DOCK8: variants seen among roughly 807,000 people sequenced by gnomAD.
DOCK8 encodes dedicator of cytokinesis 8, also known as dedicator of cytokinesis protein 8.
DOCK8 carries 141 observed loss-of-function variants against 245.6 expected under a neutral mutation model. The observed-to-expected ratio is 0.57, with a 90% confidence interval of 0.50 to 0.66. The LOEUF is 0.66. Ranked by LOEUF, DOCK8 falls within the 30% of genes least tolerant of loss-of-function variation. The probability of loss-of-function intolerance (pLI) is 0.00; values close to 1 mark genes in which losing one functional copy is unlikely to be tolerated. For missense variants in DOCK8, 2,965 were observed against 2,603.4 expected, an observed-to-expected ratio of 1.14 and a Z score of -3.02; for synonymous variants, 1,168 against 970.2, an observed-to-expected ratio of 1.20 and a Z score of -3.79.
In DOCK8 at chr9:225,877, A is replaced by C. The variant is rs571469438; in HGVS notation, c.53+10848A>C. On this transcript the variant is annotated intron_variant, in intron 1 of 47. Coordinates refer to ENST00000432829, the MANE Select transcript of DOCK8 (RefSeq NM_203447.4). The stretch of plus-strand genomic sequence containing the variant: ...AGGGGAATGACGAAGCACATGACTG[A>C]GGCAGGAGTAAATTTGATGTGTTGG... Among the ~76,000 whole-genome samples, 13 of 152,258 alleles carry C rather than the reference A, an allele frequency of 8.5e-5. No homozygotes were observed. In the East Asian group the frequency reaches 2.1e-3, roughly 25 times the overall value.
At position 396,698 on chromosome 9, in the gene DOCK8, C is replaced by G. The variant is rs1382793991; in HGVS notation, c.2971-87C>G. The G allele has an allele frequency of 1.9e-6, 3 of 1,552,140 alleles. No homozygotes were observed. The East Asian group carries it at 6.7e-5, about 35-fold the overall frequency. Reference sequence around the variant, plus strand: ...TGTCAGAAAATCCATTGTTAGAGAGCATTTCTGTGAGTCTTTCCCCCTTTT... The same window carrying G: ...TGTCAGAAAATCCATTGTTAGAGAGGATTTCTGTGAGTCTTTCCCCCTTTT... On this transcript the variant is annotated intron_variant, in intron 24 of 47. Transcript: ENST00000432829.
At chr9:397,795 T>C (rs1308194475) in intron 25 of DOCK8, among the ~76,000 whole-genome samples, 3 of 152,146 alleles carry the variant, frequency 2.0e-5, no homozygotes, top group African/African-American at 7.2e-5. Context: ...TCTCAAATGG[T>C]TCAGAAAAAA....
intron 29 of DOCK8, among the ~76,000 whole-genome samples, chr9:417,391 G>A (rs1222059455): frequency 6.6e-6 from 1 of 152,198 alleles, no homozygotes; most frequent in African/African-American, 2.4e-5. Context: ...GGCCCAGATG[G>A]CTGTAATGTC....
intron 3 of DOCK8, among the ~76,000 whole-genome samples, chr9:287,856 A>G (rs1053988160): frequency 2.6e-5 from 4 of 152,152 alleles, no homozygotes; most frequent in African/African-American, 7.2e-5. Context: ...AAATATGGTC[A>G]GAATCTTGGA....
At position 420,498 on chromosome 9, in the gene DOCK8, G is replaced by C; in HGVS notation, c.3938G>C (p.Arg1313Thr). ...IMKNADQSLI[R>T]KWIADLPSTQ... ...AAAAATGCTGATCAGAGCCTCATTAGGAAGTGGATTGCTGACCTGCCATCA... is the reference window on the plus strand; with the variant it reads ...AAAAATGCTGATCAGAGCCTCATTACGAAGTGGATTGCTGACCTGCCATCA... The change falls in exon 31 of 48, where the codon AGG becomes ACG. Residue 1313 changes from arginine (R) to threonine (T), a missense_variant. Physicochemically the swap from Arg to Thr is moderately conservative, Grantham distance 71 (BLOSUM62 -1). Coordinates refer to ENST00000432829, the MANE Select transcript of DOCK8 (RefSeq NM_203447.4). The C allele has an allele frequency of 6.2e-7, 1 of 1,614,186 alleles. No individual in the cohort carries two copies. The highest frequency in any genetic ancestry group is 1.3e-5 in the African/African-American group (1 of 75,050).
intron 11 of DOCK8, 43 bp downstream of exon 11, chr9:334,427 G>T: frequency 6.2e-7 from 1 of 1,602,992 alleles, no homozygotes; most frequent in Non-Finnish European, 8.5e-7. Context: ...GCTCCCCAGT[G>T]TGCGCTGCCC....
At chr9:283,138 T>C (rs10967888) in intron 2 of DOCK8, among the ~76,000 whole-genome samples, 6,103 of 152,304 alleles carry the variant, frequency 0.04, 269 homozygotes, top group African/African-American at 0.11. Context: ...CGGTTAAGAA[T>C]GTGAGTCTGC....
At chr9:374,618 C>T (rs868718290) in intron 18 of DOCK8, among the ~76,000 whole-genome samples, 2 of 121,632 alleles carry the variant, frequency 1.6e-5, no homozygotes, top group Admixed American at 9.5e-5. Flanking sequence ...TGCACCACCA[C>T]GCCCAGCTAA....
rs78477686 is a variant in DOCK8, at chr9:364,167, C to T, written c.1680-3851C>T. On this transcript the variant is annotated intron_variant, in intron 14 of 47. Transcript: ENST00000432829. ...AACTGAAACAAGGAAATGACCTGAACGCTTATTTTTAGAGGAGACCAGTAT... is the reference window on the plus strand; with the variant it reads ...AACTGAAACAAGGAAATGACCTGAATGCTTATTTTTAGAGGAGACCAGTAT... Among the ~76,000 whole-genome samples the T allele has an allele frequency of 6.1e-3, 933 of 152,146 alleles. 12 individuals are homozygous for T. Among genetic ancestry groups the T allele is most frequent in the African/African-American group, 0.022 (909 of 41,498 alleles).
chr9:426,212 G>A (rs1587000169), intron 33 of DOCK8, among the ~76,000 whole-genome samples: 1 of 152,128 alleles, frequency 6.6e-6, no homozygotes, highest in East Asian at 1.9e-4. Context: ...CCTAATAGAG[G>A]AGCGAGCACC....
At chr9:383,274 C>T (rs1311111808) in intron 22 of DOCK8, among the ~76,000 whole-genome samples, 2 of 152,100 alleles carry the variant, frequency 1.3e-5, no homozygotes, top group Admixed American at 6.5e-5. Context: ...GTGGCTCACA[C>T]CTGTAATCTC....
chr9:400,876 C>A (rs1158299584), intron 26 of DOCK8, among the ~76,000 whole-genome samples: 95 of 96,778 alleles, frequency 9.8e-4, no homozygotes, highest in Non-Finnish European at 1.2e-3. Flanking sequence ...CCATCACCAC[C>A]ACCTCCACCA....
At chr9:314,096 G>C (rs1441774177) in intron 6 of DOCK8, among the ~76,000 whole-genome samples, 1 of 152,210 alleles carries the variant, frequency 6.6e-6, no homozygotes, top group African/African-American at 2.4e-5. Context: ...CAAAGTTCGT[G>C]TTCCCTTGTT....
chr9:441,591 C>T (rs1231307123), intron 41 of DOCK8, among the ~76,000 whole-genome samples, 174 bp downstream of exon 41: 1 of 152,176 alleles, frequency 6.6e-6, no homozygotes, highest in East Asian at 1.9e-4. Flanking sequence ...ACCAAAATTC[C>T]ATATGTGAAA....
At chr9:252,559 T>C (rs181150669) in intron 1 of DOCK8, among the ~76,000 whole-genome samples, 220 of 152,106 alleles carry the variant, frequency 1.4e-3, no homozygotes, top group African/African-American at 4.9e-3. Context: ...TCCCAGCACT[T>C]TGGGAGGCCG....
chr9:385,424 C>T (rs951338098), intron 22 of DOCK8, among the ~76,000 whole-genome samples: 10 of 152,214 alleles, frequency 6.6e-5, no homozygotes, highest in African/African-American at 2.4e-4. Flanking sequence ...AATAACTATA[C>T]AACTTATACT....
At chr9:243,421 C>G (rs913802358) in intron 1 of DOCK8, among the ~76,000 whole-genome samples, 1 of 152,178 alleles carries the variant, frequency 6.6e-6, no homozygotes, top group Non-Finnish European at 1.5e-5. Flanking sequence ...CAGTGCGCTG[C>G]TGATCAGACT....
rs1564015315 is a variant in DOCK8, at chr9:400,766, TCCACCAC to T, written c.3234+1509_3234+1515del. ...CAGCATCTTCACCATCACCACCACC[TCCACCAC>T]CACCACCACCTCCACCATCACCACC... On this transcript the variant is annotated intron_variant, in intron 26 of 47. Coordinates refer to ENST00000432829, the MANE Select transcript of DOCK8 (RefSeq NM_203447.4). Among the ~76,000 whole-genome samples, 24 of 13,142 alleles carry T rather than the reference TCCACCAC, an allele frequency of 1.8e-3. 2 individuals are homozygous for T. The highest frequency in any genetic ancestry group is 2.6e-3 in the Non-Finnish European group (16 of 6,058). 8.6% of individuals were successfully genotyped at this position (13,142 alleles called of 152,430 possible).
At chr9:272,107 ACCT>A (rs1431844768) in intron 2 of DOCK8, among the ~76,000 whole-genome samples, 2 of 152,118 alleles carry the variant, frequency 1.3e-5, no homozygotes, top group African/African-American at 4.8e-5. Context: ...CAAGTTACAG[ACCT>A]CCTTTTTGTA....
Sources: gnomAD v4.1 joint callset for allele counts (sites outside exome capture counted in the v4.1 genomes callset) on GRCh38, gnomAD v4.1.1 for gene constraint, MANE v1.5 for transcripts, NCBI Gene and HGNC (gene_info 2026-07-23, HGNC 2026-07-21) for gene names.